ERC2: variants seen among roughly 807,000 people sequenced by gnomAD.
The protein encoded by ERC2 is ERC protein 2.
Under a neutral mutation model 114.8 loss-of-function variants are expected in ERC2, and 42 were observed. That is an observed-to-expected ratio of 0.37 (90% CI 0.29 to 0.47). The LOEUF is 0.47. ERC2 is among the 20% of genes least tolerant of loss of function. ERC2 has a pLI of 0.99. For missense variants in ERC2, 939 were observed against 1,150.7 expected (o/e 0.82, Z 2.66); for synonymous variants, 454 against 425.5 (o/e 1.07, Z -0.82).
chr3:56,376,317 A>T (rs2059538946), intron 2 of ERC2, among the ~76,000 whole-genome samples: 2 of 152,320 alleles, frequency 1.3e-5, no homozygotes, highest in African/African-American at 4.8e-5. Context: ...AGAGAAACAG[A>T]TTATAGAGCA....
At position 55,745,588 on chromosome 3, in the gene ERC2, A is replaced by G. The variant is rs369944403; in HGVS notation, c.2565-10670T>C. ...AGAAAGCCTCTCTGTTGACCATTCA[A>G]TTCTGCCAAGGTAGCTTTCTATGTG... On this transcript the variant is annotated intron_variant, in intron 14 of 17. Coordinates refer to ENST00000288221, the MANE Select transcript of ERC2 (RefSeq NM_015576.3). 1.5e-3 allele frequency among the ~76,000 whole-genome samples: 223 copies of G among 152,282 alleles called. 1 individual carries two copies. The highest frequency in any genetic ancestry group is 6.8e-3 in the Middle Eastern group (2 of 294).
chr3:55,897,808 T>C (rs905146047), intron 13 of ERC2, among the ~76,000 whole-genome samples: 1 of 152,142 alleles, frequency 6.6e-6, no homozygotes, highest in Non-Finnish European at 1.5e-5. Flanking sequence ...TGCCTTAGAG[T>C]GACACCTTTT....
intron 13 of ERC2, among the ~76,000 whole-genome samples, chr3:55,916,250 G>T (rs2065087182): frequency 6.6e-6 from 1 of 152,142 alleles, no homozygotes; most frequent in Admixed American, 6.5e-5. Context: ...CATGCCAATT[G>T]ACTTTAGGCT....
chr3:56,036,802 G>C (rs1317685011), intron 7 of ERC2, among the ~76,000 whole-genome samples: 2 of 152,112 alleles, frequency 1.3e-5, no homozygotes, highest in African/African-American at 4.8e-5. Context: ...TGCCACCAGA[G>C]CCGTGGGGCC....
intron 2 of ERC2, among the ~76,000 whole-genome samples, chr3:56,338,260 G>A (rs7637946): frequency 2.0e-4 from 30 of 152,016 alleles, no homozygotes; most frequent in Admixed American, 6.5e-5. Flanking sequence ...TCATTATGCT[G>A]TACATTTATG....
intron 17 of ERC2, among the ~76,000 whole-genome samples, chr3:55,591,826 A>G (rs1343373282): frequency 6.6e-6 from 1 of 152,146 alleles, no homozygotes; most frequent in Admixed American, 6.5e-5. Context: ...CATTTCACCA[A>G]TGAGGAAAAT....
At chr3:55,965,545 T>C (rs187154372) in intron 12 of ERC2, among the ~76,000 whole-genome samples, 27 of 152,328 alleles carry the variant, frequency 1.8e-4, no homozygotes, top group Middle Eastern at 3.4e-3. Flanking sequence ...TCATAATCAT[T>C]TTACTGCCCA....
chr3:55,742,977 C>A (rs2066062579), intron 14 of ERC2, among the ~76,000 whole-genome samples: 1 of 152,202 alleles, frequency 6.6e-6, no homozygotes, highest in Non-Finnish European at 1.5e-5. Context: ...TTTGAACAAG[C>A]ATGAGTTTCA....
intron 4 of ERC2, among the ~76,000 whole-genome samples, chr3:56,159,946 GGTGAATACT>G (rs1296470593): frequency 6.6e-6 from 1 of 152,100 alleles, no homozygotes; most frequent in East Asian, 1.9e-4. Context: ...TCTTTGCTAT[GGTGAATACT>G]GTTGCGATGA....
intron 2 of ERC2, among the ~76,000 whole-genome samples, chr3:56,354,374 CAG>C (rs1026193609): frequency 1.3e-5 from 2 of 152,262 alleles, no homozygotes; most frequent in Admixed American, 1.3e-4. Flanking sequence ...AATTCTCAAA[CAG>C]GGGCAATTTT....
At chr3:55,983,988 T>G (rs111389929) in intron 12 of ERC2, among the ~76,000 whole-genome samples, 169 of 152,350 alleles carry the variant, frequency 1.1e-3, no homozygotes, top group African/African-American at 3.9e-3. Flanking sequence ...CTCTAAAGAC[T>G]TTTTGTTTCC....
chr3:55,688,880 G>T (rs2062477438), intron 16 of ERC2, among the ~76,000 whole-genome samples: 1 of 152,170 alleles, frequency 6.6e-6, no homozygotes, highest in African/African-American at 2.4e-5. Flanking sequence ...TGGATTCCCA[G>T]AGTTCCTTAC....
intron 2 of ERC2, among the ~76,000 whole-genome samples, chr3:56,363,922 G>A (rs1434683598): frequency 2.0e-5 from 3 of 151,566 alleles, no homozygotes; most frequent in South Asian, 2.1e-4. Flanking sequence ...GGGTAGGAAG[G>A]GAAGGAAAGC....
chr3:55,816,710 C>T (rs755142444), intron 14 of ERC2, among the ~76,000 whole-genome samples: 4 of 151,958 alleles, frequency 2.6e-5, no homozygotes, highest in Non-Finnish European at 5.9e-5. Context: ...GAGTTTTTTA[C>T]AGCAGGGATA....
intron 3 of ERC2, among the ~76,000 whole-genome samples, chr3:56,224,374 G>A (rs1428050340): frequency 6.6e-6 from 1 of 152,158 alleles, no homozygotes; most frequent in Non-Finnish European, 1.5e-5. Context: ...GAATAAAGAG[G>A]AAATAAGAAA....
At chr3:55,956,414 GC>G (rs1559930181) in intron 12 of ERC2, among the ~76,000 whole-genome samples, 1 of 150,770 alleles carries the variant, frequency 6.6e-6, no homozygotes, top group East Asian at 2.0e-4. Flanking sequence ...AATAATAGAA[GC>G]TTTTACTTGT....
chr3:56,007,551 TG>T (rs893389390), intron 9 of ERC2, among the ~76,000 whole-genome samples: 1 of 152,114 alleles, frequency 6.6e-6, no homozygotes, highest in Non-Finnish European at 1.5e-5. Context: ...CCAAATGGTG[TG>T]GTCAGTAAAT....
intron 17 of ERC2, among the ~76,000 whole-genome samples, chr3:55,609,904 G>A (rs780706020): frequency 1.1e-4 from 17 of 151,858 alleles, no homozygotes; most frequent in Non-Finnish European, 1.9e-4. Context: ...CCTCCACCCT[G>A]CACTTTGCCC....
intron 17 of ERC2, among the ~76,000 whole-genome samples, chr3:55,676,353 A>T (rs1157591765): frequency 1.3e-5 from 2 of 151,990 alleles, no homozygotes; most frequent in Non-Finnish European, 2.9e-5. Flanking sequence ...TAACACTGAC[A>T]GTGCTAACTA....
Sources: allele counts gnomAD v4.1 joint callset (sites outside exome capture counted in the v4.1 genomes callset), GRCh38; gene constraint gnomAD v4.1.1; transcripts MANE v1.5; gene names NCBI Gene and HGNC (gene_info 2026-07-23, HGNC 2026-07-21).